Variants in EML1 observed in about 807,000 individuals in gnomAD.
EML1 encodes echinoderm microtubule-associated protein-like 1.
Under a neutral mutation model 110.4 loss-of-function variants are expected in EML1, and 27 were observed. The observed-to-expected ratio is 0.24, with a 90% CI of 0.18 to 0.34. EML1 has a LOEUF of 0.34. Among genes scored for constraint, EML1 ranks in the 10% least tolerant of loss-of-function variants. EML1 has a pLI of 1.00. For synonymous variants in EML1, 344 were observed against 385.8 expected, an observed-to-expected ratio of 0.89 and a Z score of 1.27; for missense variants, 741 against 1,030.9, an observed-to-expected ratio of 0.72 and a Z score of 3.85.
chr14:99,820,327 G>A (rs2058241008), intron 1 of EML1, among the ~76,000 whole-genome samples: 1 of 152,190 alleles, frequency 6.6e-6, no homozygotes. Flanking sequence ...CAGTGACGGT[G>A]TAGCCTAAGA....
chr14:99,923,601 C>A (rs1188180735), intron 17 of EML1, among the ~76,000 whole-genome samples: 1 of 151,752 alleles, frequency 6.6e-6, no homozygotes, highest in Non-Finnish European at 1.5e-5. Context: ...ATCAATCGAT[C>A]AGAAATGTAA....
At chr14:99,879,347 T>C (rs532527733) in intron 4 of EML1, among the ~76,000 whole-genome samples, 1 of 152,356 alleles carries the variant, frequency 6.6e-6, no homozygotes, top group East Asian at 1.9e-4. Context: ...CATTGTACTT[T>C]GTTCTCACTT....
Position 99,939,150 on chromosome 14 carries a change from T to TGTGGCCCC in EML1, c.2192-46_2192-39dup, listed in dbSNP as rs1237026974. 1 of 1,606,102 alleles carries TGTGGCCCC rather than the reference T, an allele frequency of 6.2e-7. No homozygotes were observed. Among genetic ancestry groups the TGTGGCCCC allele is most frequent in the East Asian group, 2.2e-5 (1 of 44,770 alleles). On this transcript the variant is annotated intron_variant, in intron 20 of 21. Transcript: ENST00000262233. The surrounding 1 kb of genome is among the most constrained non-coding windows in gnomAD (Gnocchi z 4.2). Reference sequence around the variant, plus strand: ...GGGCGCTTCCTGCGCCATGTGGCCCTGTGGCCCCTGGTGTTTCCAGCGCCC... The same window carrying TGTGGCCCC: ...GGGCGCTTCCTGCGCCATGTGGCCCTGTGGCCCCGTGGCCCCTGGTGTTTCCAGCGCCC...
At chr14:99,925,719 C>G (rs981145926) in intron 17 of EML1, among the ~76,000 whole-genome samples, 2 of 152,186 alleles carry the variant, frequency 1.3e-5, no homozygotes, top group African/African-American at 4.8e-5. Flanking sequence ...TCCACTCACC[C>G]TTTTACATCT....
chr14:99,815,209 T>G (rs931324405), intron 1 of EML1, among the ~76,000 whole-genome samples: 2 of 146,674 alleles, frequency 1.4e-5, no homozygotes, highest in Non-Finnish European at 3.0e-5. Flanking sequence ...TGGCGCGATC[T>G]CGGCTCACTG....
Position 99,936,141 on chromosome 14 carries a change from T to C in EML1, c.2007+15T>C, listed in dbSNP as rs748680203. 1.9e-6 allele frequency: 3 copies of C among 1,613,756 alleles called. No individual in the cohort carries two copies. In the East Asian group the frequency reaches 6.7e-5, roughly 36 times the overall value. ...GCAAGTGCTCGGTAAGCGCTGACAG[T>C]GGACCTGTCGCTTCTCATGCACTGC... On this transcript the variant is annotated intron_variant, in intron 18 of 21. Coordinates refer to ENST00000262233, the MANE Select transcript of EML1 (RefSeq NM_004434.3). This position sits in a 1 kb window ranked among gnomAD's most constrained non-coding sequence, Gnocchi z 5.5.
chr14:99,934,302 G>A (rs890867823), intron 17 of EML1, among the ~76,000 whole-genome samples: 9 of 152,210 alleles, frequency 5.9e-5, no homozygotes, highest in Non-Finnish European at 1.3e-4. Flanking sequence ...GCCTGTCTCC[G>A]GCTTCAGCAG....
chr14:99,818,857 C>T (rs560922425), intron 1 of EML1, among the ~76,000 whole-genome samples: 1 of 152,334 alleles, frequency 6.6e-6, no homozygotes, highest in African/African-American at 2.4e-5. Flanking sequence ...TGGTCCTTCA[C>T]GTCTGCAGAG....
chr14:99,764,780 G>A (rs930907025), intron 1 of EML1, among the ~76,000 whole-genome samples: 1 of 152,250 alleles, frequency 6.6e-6, no homozygotes, highest in Non-Finnish European at 1.5e-5. Context: ...ACAGTTTCTT[G>A]ATAGACTTTT....
At chr14:99,745,603 A>T (rs1055834797) in intron 1 of EML1, among the ~76,000 whole-genome samples, 1 of 152,222 alleles carries the variant, frequency 6.6e-6, no homozygotes, top group African/African-American at 2.4e-5. Context: ...AAATAAAACC[A>T]GAATTGGACC....
At chr14:99,911,138 C>A (rs2059938882) in intron 12 of EML1, among the ~76,000 whole-genome samples, 1 of 152,136 alleles carries the variant, frequency 6.6e-6, no homozygotes, top group African/African-American at 2.4e-5. Context: ...AGAAACAGCT[C>A]ACTAGAGAGC....
At chr14:99,750,703 C>G (rs773172502) in intron 1 of EML1, among the ~76,000 whole-genome samples, 5 of 152,110 alleles carry the variant, frequency 3.3e-5, no homozygotes, top group Non-Finnish European at 7.4e-5. Flanking sequence ...CCTCCTAAGA[C>G]AGTCACTCAG....
In EML1 at chr14:99,922,219, G is replaced by A. The variant is rs542099816; in HGVS notation, c.1909+1342G>A. On this transcript the variant is annotated intron_variant, in intron 17 of 21. Transcript: ENST00000262233. ...CAACCTCTGCCTCCCAGGTTCAAGC[G>A]ATTCTTCTGCCTCAGCCTCCCGAGT... Among the ~76,000 whole-genome samples the A allele has an allele frequency of 1.9e-4, 29 of 151,768 alleles. 1 individual carries two copies. Among genetic ancestry groups the A allele is most frequent in the African/African-American group, 2.4e-4 (10 of 41,282 alleles).
At chr14:99,911,318 C>T (rs1054426826) in intron 12 of EML1, 104 bp from the exon 13 acceptor site, 5 of 1,318,246 alleles carry the variant, frequency 3.8e-6, no homozygotes, top group Non-Finnish European at 5.1e-6. Context: ...ATGATGTGCT[C>T]ACGGACAATA....
At chr14:99,738,293 C>T (rs2056993872) in intron 1 of EML1, among the ~76,000 whole-genome samples, 1 of 152,342 alleles carries the variant, frequency 6.6e-6, no homozygotes, top group South Asian at 2.1e-4. Flanking sequence ...GACCTCTGGG[C>T]GTTCTGAGTC....
intron 1 of EML1, among the ~76,000 whole-genome samples, chr14:99,800,879 C>T (rs887904329): frequency 1.3e-5 from 2 of 152,182 alleles, no homozygotes; most frequent in African/African-American, 4.8e-5. Context: ...GCAGGTTCGA[C>T]CTATAGACTT....
chr14:99,738,852 G>T (rs1413991409), intron 1 of EML1, among the ~76,000 whole-genome samples: 1 of 152,146 alleles, frequency 6.6e-6, no homozygotes, highest in Non-Finnish European at 1.5e-5. Context: ...CTCCAGCAGG[G>T]CCTCCTTCGT....
At chr14:99,787,548 G>A (rs2057614978) in intron 1 of EML1, among the ~76,000 whole-genome samples, 1 of 152,098 alleles carries the variant, frequency 6.6e-6, no homozygotes, top group Admixed American at 6.6e-5. Flanking sequence ...CAAAGTGCTG[G>A]TATTCCAGGC....
intron 13 of EML1, among the ~76,000 whole-genome samples, 180 bp from the exon 14 acceptor site, chr14:99,913,999 A>ATCTG (rs958249908): frequency 1.1e-4 from 16 of 151,628 alleles, no homozygotes; most frequent in Non-Finnish European, 1.9e-4. Flanking sequence ...CAGCTGTGGT[A>ATCTG]TCTATGTGAA....
Sources: allele counts gnomAD v4.1 joint callset (sites outside exome capture counted in the v4.1 genomes callset), GRCh38; gene constraint gnomAD v4.1.1; non-coding constraint Gnocchi (gnomAD v3.1); transcripts MANE v1.5; gene names NCBI Gene and HGNC (gene_info 2026-07-23, HGNC 2026-07-21).